The following SGCZ variants were observed in gnomAD, a reference collection of about 807,000 sequenced individuals.
SGCZ encodes zeta-sarcoglycan.
SGCZ carries 40 observed loss-of-function variants against 41.3 expected under a neutral mutation model. The ratio of observed to expected loss-of-function variants is 0.97; its 90% CI spans 0.75 to 1.26. SGCZ has a LOEUF of 1.26. Ranked by LOEUF, SGCZ falls within the 50% of genes most tolerant of loss-of-function variation. The pLI, the probability that SGCZ is intolerant of heterozygous loss-of-function variation, is 0.00. For missense variants in SGCZ, 552 were observed against 369.8 expected (o/e 1.49, Z -4.04); for synonymous variants, 206 against 137.5 (o/e 1.50, Z -3.49).
intron 1 of SGCZ, among the ~76,000 whole-genome samples, chr8:14,671,853 A>G (rs1808113801): frequency 6.6e-6 from 1 of 152,174 alleles, no homozygotes; most frequent in Non-Finnish European, 1.5e-5. Context: ...TCTCTTCCGT[A>G]TATCCTAATT....
intron 4 of SGCZ, among the ~76,000 whole-genome samples, chr8:14,177,094 T>TG (rs1193721716): frequency 1.3e-5 from 2 of 152,032 alleles, no homozygotes; most frequent in African/African-American, 4.8e-5. Context: ...GGAGCATCTG[T>TG]GGGGGAAATC....
At chr8:14,574,052 T>C (rs768153354) in intron 1 of SGCZ, among the ~76,000 whole-genome samples, 6 of 152,126 alleles carry the variant, frequency 3.9e-5, no homozygotes, top group African/African-American at 1.4e-4. Context: ...ATCCAAACAC[T>C]GTTGATAATC....
chr8:14,902,764 G>T (rs539192562), intron 1 of SGCZ, among the ~76,000 whole-genome samples: 4 of 152,094 alleles, frequency 2.6e-5, no homozygotes, highest in Non-Finnish European at 5.9e-5. Context: ...ACAAATATTC[G>T]AGTTTACTGG....
chr8:14,110,355 C>G (rs1431524190), intron 5 of SGCZ, among the ~76,000 whole-genome samples: 1 of 151,964 alleles, frequency 6.6e-6, no homozygotes, highest in Non-Finnish European at 1.5e-5. Context: ...AATTAAACAT[C>G]GGTAATATTT....
At chr8:14,632,194 AT>A (rs903641257) in intron 1 of SGCZ, among the ~76,000 whole-genome samples, 75 of 150,736 alleles carry the variant, frequency 5.0e-4, no homozygotes, top group African/African-American at 1.7e-3. Flanking sequence ...AATTTTTAAG[AT>A]TTTTTTTTAT....
chr8:14,249,052 T>C (rs1217081433), intron 3 of SGCZ, among the ~76,000 whole-genome samples: 1 of 152,218 alleles, frequency 6.6e-6, no homozygotes, highest in Non-Finnish European at 1.5e-5. Context: ...TCCAAATATT[T>C]GGTGAAACAT....
At chr8:14,722,014 A>G (rs1337488582) in intron 1 of SGCZ, among the ~76,000 whole-genome samples, 1 of 152,058 alleles carries the variant, frequency 6.6e-6, no homozygotes, top group Non-Finnish European at 1.5e-5. Flanking sequence ...CCATCATTTC[A>G]TTGTGATCTT....
chr8:14,254,094 T>TC lies in SGCZ; in HGVS notation c.337-16416_337-16415insG, dbSNP rs1214428500. Among the ~76,000 whole-genome samples the TC allele has an allele frequency of 1.6e-3, 237 of 152,204 alleles. 1 individual carries two copies. Among genetic ancestry groups the TC allele is most frequent in the African/African-American group, 5.4e-3 (223 of 41,548 alleles). ...GTCTTAAATTGGGCACTAAAATCCA[T>TC]TAACAGAACTGAAGACTTTTTAAAC... On this transcript the variant is annotated intron_variant, in intron 3 of 7. Transcript: ENST00000382080.
intron 4 of SGCZ, among the ~76,000 whole-genome samples, chr8:14,203,105 C>G (rs570248272): frequency 2.1e-4 from 32 of 152,248 alleles, no homozygotes; most frequent in African/African-American, 7.5e-4. Context: ...GTGAGGCCTC[C>G]CCAGCCATGT....
intron 1 of SGCZ, among the ~76,000 whole-genome samples, chr8:15,114,787 A>G (rs1354006663): frequency 6.6e-6 from 1 of 150,854 alleles, no homozygotes; most frequent in African/African-American, 2.4e-5. Context: ...TCAACTATCT[A>G]AATTCTCCTG....
In SGCZ at chr8:14,240,327, CAAAA is replaced by C. The variant is rs59351247; in HGVS notation, c.337-2652_337-2649del. On this transcript the variant is annotated intron_variant, in intron 3 of 7. Transcript: ENST00000382080. ...TGAGTGACAGAGCGAAACTCTGTGTCAAAAAAAAAAAAAAAAAAAAAAAAAAAAG... is the reference window on the plus strand; with the variant it reads ...TGAGTGACAGAGCGAAACTCTGTGTCAAAAAAAAAAAAAAAAAAAAAAAAG... Among the ~76,000 whole-genome samples, 391 of 115,212 alleles carry C rather than the reference CAAAA, an allele frequency of 3.4e-3. 6 individuals are homozygous for C. The highest frequency in any genetic ancestry group is 0.011 in the African/African-American group (341 of 30,920). 75.6% of individuals were successfully genotyped at this position (115,212 alleles called of 152,430 possible).
intron 2 of SGCZ, among the ~76,000 whole-genome samples, chr8:14,484,546 T>C (rs1368213221): frequency 6.6e-6 from 1 of 152,160 alleles, no homozygotes; most frequent in African/African-American, 2.4e-5. Context: ...AGAACAAATG[T>C]TACAGTACAA....
chr8:14,924,684 G>A (rs1360092804), intron 1 of SGCZ, among the ~76,000 whole-genome samples: 1 of 152,030 alleles, frequency 6.6e-6, no homozygotes, highest in African/African-American at 2.4e-5. Context: ...ATGAATTTCA[G>A]AAAGATAGTA....
chr8:15,100,647 T>C (rs1438981352), intron 1 of SGCZ, among the ~76,000 whole-genome samples: 1 of 152,108 alleles, frequency 6.6e-6, no homozygotes, highest in Non-Finnish European at 1.5e-5. Flanking sequence ...AACACAATAC[T>C]GAAGGAAAAT....
intron 3 of SGCZ, among the ~76,000 whole-genome samples, chr8:14,273,186 A>T (rs957983839): frequency 6.6e-6 from 1 of 152,122 alleles, no homozygotes; most frequent in East Asian, 1.9e-4. Context: ...AAATATTGAT[A>T]AAAAGAATAA....
chr8:14,430,161 TAGAG>T (rs1563324102), intron 2 of SGCZ, among the ~76,000 whole-genome samples: 1 of 152,056 alleles, frequency 6.6e-6, no homozygotes, highest in African/African-American at 2.4e-5. Context: ...TCCCACAAGA[TAGAG>T]AAAGAGGGAA....
chr8:14,091,587 A>G (rs542062999), intron 7 of SGCZ, among the ~76,000 whole-genome samples: 2 of 152,010 alleles, frequency 1.3e-5, no homozygotes, highest in Non-Finnish European at 2.9e-5. Context: ...GATGATGAGC[A>G]TTTTTTCATG....
chr8:15,105,231 TA>T (rs1406652050), intron 1 of SGCZ, among the ~76,000 whole-genome samples: 2 of 152,208 alleles, frequency 1.3e-5, no homozygotes, highest in African/African-American at 4.8e-5. Flanking sequence ...TGCATATTAA[TA>T]GATCAAATAC....
intron 2 of SGCZ, among the ~76,000 whole-genome samples, chr8:14,471,798 T>C (rs1801220206): frequency 6.6e-6 from 1 of 152,120 alleles, no homozygotes; most frequent in Non-Finnish European, 1.5e-5. Context: ...AATACATATC[T>C]GCCAATAATT....
Sources: gnomAD v4.1 joint callset for allele counts (sites outside exome capture counted in the v4.1 genomes callset) on GRCh38, gnomAD v4.1.1 for gene constraint, MANE v1.5 for transcripts, NCBI Gene and HGNC (gene_info 2026-07-23, HGNC 2026-07-21) for gene names.